DMGDH: variants seen among roughly 807,000 people sequenced by gnomAD.
The protein encoded by DMGDH is dimethylglycine dehydrogenase, also known as dimethylglycine dehydrogenase, mitochondrial.
In DMGDH, 76 loss-of-function variants were observed where a neutral mutation model predicts 95.2. The ratio of observed to expected loss-of-function variants is 0.80; its 90% CI spans 0.66 to 0.97. The LOEUF (loss-of-function observed/expected upper bound fraction) is 0.97. Among genes scored for constraint, DMGDH ranks in the 50% least tolerant of loss-of-function variants. The pLI is 0.00. For missense variants in DMGDH, 987 were observed against 1,055.0 expected (o/e 0.94, Z 0.89); for synonymous variants, 345 against 377.6 (o/e 0.91, Z 1.00).
chr5:79,051,582 T>C, intron 4 of DMGDH, 91 bp from the exon 5 acceptor site: 4 of 1,250,786 alleles, frequency 3.2e-6, no homozygotes, highest in Non-Finnish European at 4.5e-6. Flanking sequence ...TTAGTAAAAC[T>C]GGACTTCAAA....
At chr5:79,053,119 A>T (rs1754915542) in intron 4 of DMGDH, among the ~76,000 whole-genome samples, 1 of 152,098 alleles carries the variant, frequency 6.6e-6, no homozygotes, top group Non-Finnish European at 1.5e-5. Flanking sequence ...AATAATATAT[A>T]CCGCATAACA....
intron 7 of DMGDH, among the ~76,000 whole-genome samples, chr5:79,037,734 T>A (rs760814718): frequency 3.9e-5 from 6 of 152,180 alleles, no homozygotes; most frequent in Non-Finnish European, 8.8e-5. Flanking sequence ...TAATAGGTGT[T>A]CCACATGAGA....
intron 5 of DMGDH, among the ~76,000 whole-genome samples, chr5:79,046,328 G>A (rs1242745006): frequency 1.3e-5 from 2 of 151,806 alleles, no homozygotes; most frequent in Non-Finnish European, 2.9e-5. Context: ...CAGGTAATCC[G>A]CTGCCTGGGG....
intron 14 of DMGDH, among the ~76,000 whole-genome samples, chr5:79,010,753 G>A (rs547217399): frequency 3.3e-5 from 5 of 152,258 alleles, no homozygotes; most frequent in Middle Eastern, 3.4e-3. Context: ...AAGGGAATCC[G>A]TGTAACATCC....
chr5:79,044,272 G>T (rs2112647873), intron 6 of DMGDH, 32 bp downstream of exon 6: 2 of 1,614,010 alleles, frequency 1.2e-6, no homozygotes, highest in East Asian at 2.2e-5. Context: ...ATTCATGTCT[G>T]ACTAGCACAC....
Position 79,044,590 on chromosome 5 carries a change from T to C in DMGDH, c.746-38A>G. On this transcript the variant is annotated intron_variant, in intron 5 of 15. Transcript: ENST00000255189. ...AATCATTTAAAAGTGTCAGCCCATA[T>C]ATAAACACATAACTGACACTCATAT... The C allele has an allele frequency of 3.1e-6, 5 of 1,609,488 alleles. No individual in the cohort carries two copies. In the Middle Eastern group the frequency reaches 6.7e-4, roughly 217 times the overall value.
intron 5 of DMGDH, among the ~76,000 whole-genome samples, chr5:79,047,984 C>T (rs73132116): frequency 0.062 from 9,430 of 152,078 alleles, 654 homozygotes; most frequent in African/African-American, 0.15. Context: ...CCAGCAGAAT[C>T]GGTGCTGGAT....
intron 5 of DMGDH, 99 bp from the exon 6 acceptor site, chr5:79,044,651 T>A: frequency 7.4e-7 from 1 of 1,356,508 alleles, no homozygotes; most frequent in Non-Finnish European, 1.0e-6. Context: ...TTAGAAGGCT[T>A]AAGTACTCAT....
At chr5:79,004,277 C>T (rs1460208878) in intron 15 of DMGDH, among the ~76,000 whole-genome samples, 9 of 152,194 alleles carry the variant, frequency 5.9e-5, no homozygotes, top group Non-Finnish European at 1.0e-4. Context: ...GATGTTAGTT[C>T]TTTGTCAAAT....
Position 79,042,332 on chromosome 5 carries a change from C to T in DMGDH, c.1144G>A (p.Val382Met). The T allele has an allele frequency of 3.1e-6, 5 of 1,614,220 alleles. No individual in the cohort carries two copies. Among genetic ancestry groups the T allele is most frequent in the Non-Finnish European group, 3.4e-6 (4 of 1,180,030 alleles). ...TTTCTGACCCCCTGATGGGGCCCCA[C>T]CATAGGCAGAATGTCAGGAGAATAC... is the stretch of plus-strand genomic sequence containing the variant. ...ITYSPDILPM[V>M]GPHQGVRNYW... Residue 382 changes from valine to methionine, a missense_variant, in exon 7 of 16, where the codon GTG (valine) becomes ATG (methionine). Transcript: ENST00000255189.
chr5:79,022,806 C>T (rs557648588), intron 14 of DMGDH, among the ~76,000 whole-genome samples: 2 of 152,144 alleles, frequency 1.3e-5, no homozygotes, highest in Admixed American at 6.5e-5. Flanking sequence ...CAATAATATC[C>T]GAACACTGAA....
intron 7 of DMGDH, among the ~76,000 whole-genome samples, chr5:79,037,761 C>T (rs1441304515): frequency 1.3e-5 from 2 of 152,166 alleles, no homozygotes; most frequent in East Asian, 3.8e-4. Context: ...ACTCTATCTG[C>T]TCAGAACATG....
chr5:79,005,043 T>C (rs1248243465), intron 15 of DMGDH, among the ~76,000 whole-genome samples: 1 of 152,246 alleles, frequency 6.6e-6, no homozygotes, highest in Non-Finnish European at 1.5e-5. Context: ...TTTGGGTTTG[T>C]TTTCTTTAAA....
intron 15 of DMGDH, among the ~76,000 whole-genome samples, chr5:79,003,562 C>G (rs562983270): frequency 6.6e-6 from 1 of 152,128 alleles, no homozygotes; most frequent in Non-Finnish European, 1.5e-5. Context: ...TACAGACAGG[C>G]GAAGGCACTT....
chr5:79,028,421 T>C lies in DMGDH; in HGVS notation c.2032+12A>G, dbSNP rs1754058549. 1.2e-6 allele frequency: 2 copies of C among 1,602,406 alleles called. No individual in the cohort carries two copies. The highest frequency in any genetic ancestry group is 1.3e-5 in the African/African-American group (1 of 74,648). ...TTTCAGAGACTTAGTCCAGGTTGTT[T>C]TCCAATCTTACCAGTATAAGATATC... On this transcript the variant is annotated intron_variant, in intron 12 of 15. Coordinates refer to ENST00000255189, the MANE Select transcript of DMGDH (RefSeq NM_013391.3).
intron 7 of DMGDH, among the ~76,000 whole-genome samples, chr5:79,039,956 C>T (rs1160543395): frequency 6.6e-6 from 1 of 151,082 alleles, no homozygotes. Context: ...TAACCCCTCA[C>T]ATTTTGTCCT....
intron 5 of DMGDH, among the ~76,000 whole-genome samples, chr5:79,050,269 AAAAAATATATATAT>A (rs1314617552): frequency 4.5e-4 from 12 of 26,536 alleles, no homozygotes; most frequent in East Asian, 1.5e-3. Context: ...AAAAAAAAAA[AAAAAATATATATAT>A]ATATATATAT....
rs147101239 is a variant in DMGDH, at chr5:79,054,185, T to C, written c.539A>G (p.Lys180Arg). Residue 180 changes from lysine to arginine, a missense_variant and splice_region_variant, in exon 4 of 16, where the codon AAG (lysine) becomes AGG (arginine). Coordinates refer to ENST00000255189, the MANE Select transcript of DMGDH (RefSeq NM_013391.3). ...TAAAAATGCCCTTAAGATAAATACC[T>C]TATTCATGTTGAGTAAAGGGAACAT... The part of the protein sequence containing the change: ...QEMFPLLNMN[K>R]VLAGLYNPGD... The C allele has an allele frequency of 3.8e-5, 62 of 1,613,874 alleles. No individual in the cohort carries two copies. The African/African-American group carries it at 6.9e-4, about 18-fold the overall frequency.
At chr5:78,999,299 A>T (rs1025287980) in intron 15 of DMGDH, among the ~76,000 whole-genome samples, 3 of 152,076 alleles carry the variant, frequency 2.0e-5, no homozygotes, top group African/African-American at 7.2e-5. Context: ...TGAAACCCCA[A>T]ATCAGAAGCT....
Sources: allele counts gnomAD v4.1 joint callset (sites outside exome capture counted in the v4.1 genomes callset), GRCh38; gene constraint gnomAD v4.1.1; transcripts MANE v1.5; gene names NCBI Gene and HGNC (gene_info 2026-07-23, HGNC 2026-07-21).